Variants in AASDHPPT observed in about 807,000 individuals in gnomAD.
AASDHPPT encodes aminoadipate-semialdehyde dehydrogenase-phosphopantetheinyl transferase, also known as L-aminoadipate-semialdehyde dehydrogenase-phosphopantetheinyl transferase.
A neutral mutation model predicts 36.4 loss-of-function variants in AASDHPPT; 23 were observed. The observed-to-expected ratio is 0.63, with a 90% confidence interval of 0.45 to 0.89. The LOEUF (loss-of-function observed/expected upper bound fraction) is 0.89, where lower values mean the gene tolerates loss of function less well. Ranked by LOEUF, AASDHPPT falls within the 40% of genes least tolerant of loss-of-function variation. The probability of loss-of-function intolerance (pLI) is 0.00; values close to 1 mark genes in which losing one functional copy is unlikely to be tolerated. For missense variants in AASDHPPT, 377 were observed against 378.2 expected, an observed-to-expected ratio of 1.00 and a Z score of 0.03; for synonymous variants, 115 against 128.0, an observed-to-expected ratio of 0.90 and a Z score of 0.68.
In AASDHPPT at chr11:106,091,483, A is replaced by G; in HGVS notation, c.693+6A>G. ...AAAAAGAATGGGCATTTGAGGTAAG[A>G]AATTTGTTAGAATTGTTAAAACTAA... is the stretch of plus-strand genomic sequence containing the variant. On this transcript the variant is annotated splice_donor_region_variant and intron_variant, in intron 4 of 5. Transcript: ENST00000278618. 6.4e-7 allele frequency: 1 copy of G among 1,567,256 alleles called. No homozygotes were observed. Among genetic ancestry groups the G allele is most frequent in the Non-Finnish European group, 8.6e-7 (1 of 1,163,976 alleles).
chr11:106,087,987 TAACAC>T (rs1288315196), intron 2 of AASDHPPT, among the ~76,000 whole-genome samples: 6 of 152,170 alleles, frequency 3.9e-5, no homozygotes, highest in African/African-American at 1.4e-4. Flanking sequence ...ACTTAATACT[TAACAC>T]AATATTTGCC....
chr11:106,096,689 A>C (rs1861317375), intron 5 of AASDHPPT, 54 bp from the exon 6 acceptor site: 1 of 1,368,812 alleles, frequency 7.3e-7, no homozygotes, highest in Non-Finnish European at 9.8e-7. Flanking sequence ...TATGAAATTG[A>C]TCATAAGATT....
chr11:106,085,388 A>C (rs1488186831), intron 2 of AASDHPPT, among the ~76,000 whole-genome samples: 1 of 152,232 alleles, frequency 6.6e-6, no homozygotes, highest in Non-Finnish European at 1.5e-5. Flanking sequence ...GGCGTGAGCC[A>C]CTGCGCCTGG....
At position 106,098,039 on chromosome 11, in the gene AASDHPPT, C is replaced by T. The variant is rs1366136832; in HGVS notation, c.*1132C>T. The T allele has an allele frequency of 6.6e-6, 1 of 152,106 alleles. No homozygotes were observed. The highest frequency in any genetic ancestry group is 1.9e-4 in the East Asian group (1 of 5,196). 9.4% of individuals were successfully genotyped at this position (152,106 alleles called of 1,614,324 possible). A position where few individuals can be genotyped will look rare whatever the true frequency, so the allele number is the denominator to read the frequency against. On this transcript the variant is annotated 3_prime_UTR_variant, in exon 6 of 6. Coordinates refer to ENST00000278618, the MANE Select transcript of AASDHPPT (RefSeq NM_015423.3). ...AGTGGAATGATTGGTTTGACTGGTT[C>T]ATAGGGCTTTAATTATACAATTTAC...
At position 106,090,776 on chromosome 11, in the gene AASDHPPT, T is replaced by C. The variant is rs1448201390; in HGVS notation, c.531+98T>C. 4.9e-6 allele frequency: 7 copies of C among 1,441,742 alleles called. No individual in the cohort carries two copies. The Admixed American group carries it at 1.6e-4, about 33-fold the overall frequency. The allele number at this position is 1,441,742 out of a possible 1,614,324, so 89.3% of individuals were successfully genotyped here. A position where few individuals can be genotyped will look rare whatever the true frequency, so the allele number is the denominator to read the frequency against. ...TGGTTACCCAGTAGTGTCCAAACAG[T>C]GCTTGAAGTAAATGGGTGATTGCTT... is the stretch of plus-strand genomic sequence containing the variant. On this transcript the variant is annotated intron_variant, in intron 3 of 5. Coordinates refer to ENST00000278618, the MANE Select transcript of AASDHPPT (RefSeq NM_015423.3).
chr11:106,087,974 T>G (rs1275363747), intron 2 of AASDHPPT, among the ~76,000 whole-genome samples: 2 of 152,204 alleles, frequency 1.3e-5, no homozygotes, highest in Non-Finnish European at 2.9e-5. Context: ...CTAGGTAAAC[T>G]GCACTTAATA....
intron 2 of AASDHPPT, among the ~76,000 whole-genome samples, chr11:106,086,550 T>C (rs1439250660): frequency 2.6e-5 from 4 of 152,174 alleles, no homozygotes; most frequent in Non-Finnish European, 5.9e-5. Context: ...TCTGGCCCCC[T>C]GCAAAATTTA....
At chr11:106,092,802 A>G (rs937226101) in intron 4 of AASDHPPT, 6 of 152,286 alleles carry the variant, frequency 3.9e-5, no homozygotes, top group Non-Finnish European at 5.9e-5. Flanking sequence ...TACATGAGCT[A>G]TTCAGCATTT....
rs1861336270 is a variant in AASDHPPT at position 106,098,079 on chromosome 11, C to T, written c.*1172C>T. ...ATACAATTTACCCCTCTAATTAGTA[C>T]TATATGTATGTGACTTCCCTCCCCC... On this transcript the variant is annotated 3_prime_UTR_variant, in exon 6 of 6. Transcript: ENST00000278618. 6.6e-6 allele frequency: 1 copy of T among 152,024 alleles called. No individual in the cohort carries two copies. The highest frequency in any genetic ancestry group is 1.5e-5 in the Non-Finnish European group (1 of 67,964). The allele number at this position is 152,024 out of a possible 1,614,324, so 9.4% of individuals were successfully genotyped here.
chr11:106,086,274 C>T (rs535384359), intron 2 of AASDHPPT: 1 of 152,320 alleles, frequency 6.6e-6, no homozygotes, highest in African/African-American at 2.4e-5. Flanking sequence ...CTAGTTTCTG[C>T]TCATTCCTAG....
chr11:106,088,195 T>C (rs1861216281), intron 2 of AASDHPPT, among the ~76,000 whole-genome samples: 1 of 152,162 alleles, frequency 6.6e-6, no homozygotes, highest in African/African-American at 2.4e-5. Flanking sequence ...TGCTTTCTAG[T>C]GATTGTGCCA....
At chr11:106,087,616 G>C (rs960610566) in intron 2 of AASDHPPT, among the ~76,000 whole-genome samples, 1 of 152,070 alleles carries the variant, frequency 6.6e-6, no homozygotes, top group African/African-American at 2.4e-5. Context: ...GATTAATGTC[G>C]TAGGCCCTGA....
At chr11:106,087,749 TA>T (rs1335069501) in intron 2 of AASDHPPT, among the ~76,000 whole-genome samples, 6 of 152,162 alleles carry the variant, frequency 3.9e-5, no homozygotes, top group African/African-American at 1.4e-4. Context: ...CTTGATTAGT[TA>T]ATCATTCCAG....
In AASDHPPT at chr11:106,077,905, C is replaced by T. The variant is rs200895618; in HGVS notation, c.183+12C>T. ...CTAAGGCAGCCATGGTACTACAGGT[C>T]TTTTTTGGTATTTAGAGCCTAGGAA... On this transcript the variant is annotated intron_variant, in intron 1 of 5. Transcript: ENST00000278618. 105 of 1,612,594 alleles carry T rather than the reference C, an allele frequency of 6.5e-5. No individual in the cohort carries two copies. Among genetic ancestry groups the T allele is most frequent in the East Asian group, 8.9e-5 (4 of 44,796 alleles).
chr11:106,096,796 C>T lies in AASDHPPT; in HGVS notation c.819C>T (p.Asn273=). 3.1e-6 allele frequency: 5 copies of T among 1,609,672 alleles called. No individual in the cohort carries two copies. The highest frequency in any genetic ancestry group is 4.2e-6 in the Non-Finnish European group (5 of 1,178,350). The change falls in exon 6 of 6, where the codon AAC becomes AAT. Residue 273 remains asparagine, a synonymous_variant. Coordinates refer to ENST00000278618, the MANE Select transcript of AASDHPPT (RefSeq NM_015423.3). ...CCCAGAGGCAATTTACTATTCTCAA[C>T]TTTAATGATTTAATGTCATCTGCCG... is the stretch of plus-strand genomic sequence containing the variant. ...KPTQRQFTIL[N]FNDLMSSAVP... is the part of the protein sequence containing the mutation.
intron 2 of AASDHPPT, 97 bp from the exon 3 acceptor site, chr11:106,090,460 A>G (rs1861243697): frequency 1.0e-6 from 1 of 952,516 alleles, no homozygotes; most frequent in Admixed American, 2.8e-5. Flanking sequence ...TGCCCTTTAG[A>G]TCTTTGGGGG....
chr11:106,095,119 C>T (rs1444852384), intron 5 of AASDHPPT, among the ~76,000 whole-genome samples: 2 of 151,638 alleles, frequency 1.3e-5, no homozygotes, highest in Admixed American at 6.6e-5. Context: ...AGCGAAACTC[C>T]GTCTCAAAAA....
chr11:106,090,500 G>A, intron 2 of AASDHPPT, 57 bp from the exon 3 acceptor site: 1 of 1,431,892 alleles, frequency 7.0e-7, no homozygotes, highest in South Asian at 1.4e-5. Flanking sequence ...TAGTAATAGA[G>A]CAACTTTTTA....
At chr11:106,079,341 A>G in intron 1 of AASDHPPT, 126 bp from the exon 2 acceptor site, 3 of 759,576 alleles carry the variant, frequency 3.9e-6, no homozygotes, top group Non-Finnish European at 6.2e-6. Flanking sequence ...TGTGTTTAAT[A>G]CTTAAGTATT....
Sources: allele counts gnomAD v4.1 joint callset (sites outside exome capture counted in the v4.1 genomes callset), GRCh38; gene constraint gnomAD v4.1.1; transcripts MANE v1.5; gene names NCBI Gene and HGNC (gene_info 2026-07-23, HGNC 2026-07-21).